Variants in LDAH observed in about 807,000 individuals in gnomAD.
LDAH encodes lipid droplet-associated hydrolase.
In LDAH, 26 loss-of-function variants were observed where a neutral mutation model predicts 29.6. The observed-to-expected ratio is 0.88, with a 90% CI of 0.64 to 1.22. The LOEUF is 1.22. LDAH is among the 50% of genes most tolerant of loss of function. The probability of loss-of-function intolerance (pLI) is 0.00; values close to 1 mark genes in which losing one functional copy is unlikely to be tolerated. For missense variants in LDAH, 344 were observed against 387.3 expected (o/e 0.89, Z 0.94); for synonymous variants, 117 against 133.0 (o/e 0.88, Z 0.83).
At chr2:20,792,562 A>G (rs754517421) in intron 2 of LDAH, among the ~76,000 whole-genome samples, 22 of 152,320 alleles carry the variant, frequency 1.4e-4, no homozygotes, top group Admixed American at 2.6e-4. Context: ...TAGTCTTACA[A>G]TATCTCTATA....
chr2:20,696,898 T>C (rs1176642412), intron 6 of LDAH, among the ~76,000 whole-genome samples: 1 of 152,170 alleles, frequency 6.6e-6, no homozygotes, highest in African/African-American at 2.4e-5. Flanking sequence ...TCCCATCTTA[T>C]TCATTCAGTG....
rs373399230 is a variant in LDAH, at chr2:20,693,523, G to A, written c.787-6429C>T. ...AGACAGGTGGGGTAGAAGATAAGTCGCCAACCAAATAAACAGTGAAGCACA... is the reference window on the plus strand; with the variant it reads ...AGACAGGTGGGGTAGAAGATAAGTCACCAACCAAATAAACAGTGAAGCACA... On this transcript the variant is annotated intron_variant, in intron 6 of 6. Transcript: ENST00000237822. Among the ~76,000 whole-genome samples the A allele has an allele frequency of 1.5e-3, 233 of 152,126 alleles. 5 individuals are homozygous for A. The South Asian group carries it at 0.044, about 28-fold the overall frequency.
In LDAH at chr2:20,686,456, A is replaced by G. The variant is rs535020286; in HGVS notation, c.*447T>C. The G allele has an allele frequency of 1.0e-3, 156 of 154,374 alleles. No individual in the cohort carries two copies. Among genetic ancestry groups the G allele is most frequent in the Non-Finnish European group, 1.9e-3 (133 of 69,574 alleles). The allele number at this position is 154,374 out of a possible 1,614,324, so 9.6% of individuals were successfully genotyped here. ...GTGTATCCTTGTCATAATCTCATACACTTCACATATCTAACTATACTCTTA... is the reference window on the plus strand; with the variant it reads ...GTGTATCCTTGTCATAATCTCATACGCTTCACATATCTAACTATACTCTTA... On this transcript the variant is annotated 3_prime_UTR_variant, in exon 7 of 7. Coordinates refer to ENST00000237822, the MANE Select transcript of LDAH (RefSeq NM_021925.4).
At chr2:20,777,333 G>A (rs1669886531) in intron 3 of LDAH, among the ~76,000 whole-genome samples, 1 of 152,180 alleles carries the variant, frequency 6.6e-6, no homozygotes, top group Admixed American at 6.6e-5. Flanking sequence ...GTACTTGCTA[G>A]TGTTTGCCAA....
At chr2:20,801,520 C>A in intron 1 of LDAH, 55 bp from the exon 2 acceptor site, 1 of 1,483,658 alleles carries the variant, frequency 6.7e-7, no homozygotes, top group African/African-American at 1.4e-5. Context: ...AAACCTTGAG[C>A]CAAAGACAAA....
intron 6 of LDAH, among the ~76,000 whole-genome samples, chr2:20,694,897 T>A (rs572363757): frequency 2.0e-5 from 3 of 152,364 alleles, no homozygotes; most frequent in Non-Finnish European, 4.4e-5. Flanking sequence ...AGTGACTGGC[T>A]TGTCTCTTTC....
At chr2:20,816,160 T>C (rs1572696026) in intron 1 of LDAH, among the ~76,000 whole-genome samples, 7 of 151,826 alleles carry the variant, frequency 4.6e-5, no homozygotes, top group Admixed American at 3.9e-4. Context: ...ACATGTCAAA[T>C]AGAATTCTGA....
intron 1 of LDAH, among the ~76,000 whole-genome samples, chr2:20,818,972 G>A (rs1407385475): frequency 6.6e-6 from 1 of 151,964 alleles, no homozygotes; most frequent in Non-Finnish European, 1.5e-5. Flanking sequence ...TGCTGTATTT[G>A]CTGTCTGAAT....
intron 1 of LDAH, among the ~76,000 whole-genome samples, chr2:20,804,582 G>A (rs890178610): frequency 6.6e-6 from 1 of 152,004 alleles, no homozygotes; most frequent in African/African-American, 2.4e-5. Context: ...CATCAAAACT[G>A]CTCTAAGTTG....
chr2:20,736,874 T>C (rs1666826253), intron 5 of LDAH, among the ~76,000 whole-genome samples: 2 of 152,198 alleles, frequency 1.3e-5, no homozygotes, highest in African/African-American at 4.8e-5. Flanking sequence ...AGCCACCTCT[T>C]TGAGATTTAC....
chr2:20,695,872 G>A (rs888312819), intron 6 of LDAH, among the ~76,000 whole-genome samples: 19 of 152,104 alleles, frequency 1.2e-4, no homozygotes, highest in East Asian at 3.9e-4. Context: ...AGTGAGGTCC[G>A]GTAACTTAAG....
At chr2:20,717,711 T>C (rs1268391440) in intron 5 of LDAH, among the ~76,000 whole-genome samples, 1 of 152,182 alleles carries the variant, frequency 6.6e-6, no homozygotes, top group Non-Finnish European at 1.5e-5. Flanking sequence ...GAGAATGGAG[T>C]TAATGTGTAC....
chr2:20,699,296 G>A (rs961075763), intron 6 of LDAH, among the ~76,000 whole-genome samples: 2 of 152,104 alleles, frequency 1.3e-5, no homozygotes, highest in Non-Finnish European at 2.9e-5. Context: ...CTAATCCCGG[G>A]CATTGGTTTT....
chr2:20,697,562 T>C (rs1444465012), intron 6 of LDAH, among the ~76,000 whole-genome samples: 1 of 152,220 alleles, frequency 6.6e-6, no homozygotes, highest in African/African-American at 2.4e-5. Context: ...GGTTGTCAAA[T>C]GTTTTGACTG....
At chr2:20,773,842 A>G (rs1669596593) in intron 4 of LDAH, among the ~76,000 whole-genome samples, 1 of 152,132 alleles carries the variant, frequency 6.6e-6, no homozygotes, top group Non-Finnish European at 1.5e-5. Context: ...TCAAAATCCT[A>G]GCACAAAGCA....
At chr2:20,795,977 ACACACAC>A (rs1671280896) in intron 2 of LDAH, among the ~76,000 whole-genome samples, 1 of 151,672 alleles carries the variant, frequency 6.6e-6, no homozygotes, top group African/African-American at 2.4e-5. Flanking sequence ...ACACACACAC[ACACACAC>A]AAAATACAAT....
chr2:20,745,637 A>T (rs1558436689), intron 4 of LDAH, among the ~76,000 whole-genome samples: 1 of 152,166 alleles, frequency 6.6e-6, no homozygotes, highest in Non-Finnish European at 1.5e-5. Context: ...CAATCTATAT[A>T]CTTTCTATTT....
At chr2:20,811,367 CTAATCTCTCTCAT>C (rs201176600) in intron 1 of LDAH, among the ~76,000 whole-genome samples, 3,086 of 152,154 alleles carry the variant, frequency 0.02, 102 homozygotes, top group African/African-American at 0.069. Context: ...GGTGATCCTA[CTAATCTCTCTCAT>C]TAATACCTCA....
chr2:20,812,233 A>G (rs570320777), intron 1 of LDAH, among the ~76,000 whole-genome samples: 2 of 152,352 alleles, frequency 1.3e-5, no homozygotes, highest in African/African-American at 4.8e-5. Flanking sequence ...GCAGCTTCTT[A>G]AAGAAATTCT....
Sources: allele counts gnomAD v4.1 joint callset (sites outside exome capture counted in the v4.1 genomes callset), GRCh38; gene constraint gnomAD v4.1.1; transcripts MANE v1.5; gene names NCBI Gene and HGNC (gene_info 2026-07-23, HGNC 2026-07-21).